Variants in RECQL5 observed in about 807,000 individuals in gnomAD.
The protein encoded by RECQL5 is ATP-dependent DNA helicase Q5.
RECQL5 carries 88 observed loss-of-function variants against 103.4 expected under a neutral mutation model. The ratio of observed to expected loss-of-function variants is 0.85; its 90% CI spans 0.72 to 1.02. The LOEUF (loss-of-function observed/expected upper bound fraction) is 1.02. Among genes scored for constraint, RECQL5 ranks in the 50% least tolerant of loss-of-function variants. RECQL5 has a pLI of 0.00. For synonymous variants in RECQL5, 552 were observed against 507.9 expected, an observed-to-expected ratio of 1.09 and a Z score of -1.17; for missense variants, 1,232 against 1,284.3, an observed-to-expected ratio of 0.96 and a Z score of 0.62.
At chr17:75,650,507 ATT>A in intron 8 of RECQL5, 1 of 1,420,268 alleles carries the variant, frequency 7.0e-7, no homozygotes. Context: ...CTGGACCTCA[ATT>A]TATTCACCTC....
At position 75,653,922 on chromosome 17, in the gene RECQL5, A is replaced by C. The variant is rs138290526; in HGVS notation, c.1150-2657T>G. On this transcript the variant is annotated intron_variant, in intron 7 of 19. Transcript: ENST00000317905. ...CAAAACAAAACAAAACAAAACAAAA[A>C]AAAAACCCCAAAAAAACAAAAACCA... Among the ~76,000 whole-genome samples, 169 of 151,820 alleles carry C rather than the reference A, an allele frequency of 1.1e-3. 1 individual carries two copies. The South Asian group carries it at 0.016, about 14-fold the overall frequency.
intron 8 of RECQL5, chr17:75,649,690 A>C (rs566031327): frequency 1.0e-6 from 1 of 985,494 alleles, no homozygotes; most frequent in East Asian, 1.1e-4. Flanking sequence ...ACATTCACTT[A>C]TTCAAAGAAC....
At chr17:75,655,529 A>G (rs1005245137) in intron 7 of RECQL5, among the ~76,000 whole-genome samples, 104 of 151,806 alleles carry the variant, frequency 6.9e-4, no homozygotes, top group Admixed American at 2.2e-3. Context: ...ACGCCCAGCT[A>G]ATATTTTTGT....
intron 7 of RECQL5, among the ~76,000 whole-genome samples, chr17:75,654,253 C>T (rs189891781): frequency 2.0e-5 from 3 of 152,286 alleles, no homozygotes; most frequent in Non-Finnish European, 4.4e-5. Flanking sequence ...TAATTCACCC[C>T]TAACTGTCCT....
intron 8 of RECQL5, chr17:75,635,846 C>T: frequency 1.0e-6 from 1 of 985,492 alleles, no homozygotes; most frequent in Non-Finnish European, 1.2e-6. Flanking sequence ...GCCAGCCCTT[C>T]CTCGTGAGGC....
rs1334431259 is a variant in RECQL5 at position 75,627,461 on chromosome 17, G to A, written c.2937C>T (p.Ser979=). The A allele has an allele frequency of 5.6e-6, 9 of 1,613,686 alleles. No individual in the cohort carries two copies. The East Asian group carries it at 8.9e-5, about 16-fold the overall frequency. The change falls in exon 20 of 20, where the codon AGC becomes AGT. Residue 979 remains serine (S), a synonymous_variant. Transcript: ENST00000317905. ...CACACAGGCCATGCCAGTCAGCTTC[G>A]CTCTCGCACCGGGCCCGGCCATGGA... ...HFFHGRARCE[S]EADWHGLCGP...
In RECQL5 at chr17:75,661,054, G is replaced by A; in HGVS notation, c.887C>T (p.Ser296Phe). 6.2e-7 allele frequency: 1 copy of A among 1,613,944 alleles called. No individual in the cohort carries two copies. Among genetic ancestry groups the A allele is most frequent in the Non-Finnish European group, 8.5e-7 (1 of 1,179,772 alleles). ...AKAYHAGLKASERTLVQNDWM... is the reference protein window; with the variant it reads ...AKAYHAGLKAFERTLVQNDWM... ...GTCGTTCTGCACCAGCGTTCTTTCAGAGGCCTTCAGCCCTGTAAAGGAGGG... is the reference window on the plus strand; with the variant it reads ...GTCGTTCTGCACCAGCGTTCTTTCAAAGGCCTTCAGCCCTGTAAAGGAGGG... The change falls in exon 6 of 20, where the codon TCT (serine) becomes TTT (phenylalanine). Residue 296 changes from serine to phenylalanine, a missense_variant. Ser to Phe is a radical substitution (Grantham distance 155). Transcript: ENST00000317905.
chr17:75,657,190 A>C (rs1332404109), intron 7 of RECQL5, among the ~76,000 whole-genome samples: 4 of 152,156 alleles, frequency 2.6e-5, no homozygotes, highest in Non-Finnish European at 5.9e-5. Context: ...GTAACATAAC[A>C]AGAGCTCGTC....
intron 7 of RECQL5, among the ~76,000 whole-genome samples, chr17:75,655,854 A>AT (rs1437359169): frequency 1.3e-5 from 2 of 149,628 alleles, no homozygotes; most frequent in Non-Finnish European, 3.0e-5. Context: ...TAATTTTTGT[A>AT]TTTTTTTTGT....
rs200401674 is a variant in RECQL5 at position 75,640,953 on chromosome 17, A to T, written c.1230-9285T>A. ...GAGGAGATGGCCAATGCCATGACAC[A>T]GGCCATCAGCCTGGCCCTGCAGCCC... is the stretch of plus-strand genomic sequence containing the variant. On this transcript the variant is annotated intron_variant, in intron 8 of 19. Coordinates refer to ENST00000317905, the MANE Select transcript of RECQL5 (RefSeq NM_004259.7). This position sits in a 1 kb window ranked among gnomAD's most constrained non-coding sequence, Gnocchi z 4.6. The T allele has an allele frequency of 4.6e-4, 702 of 1,528,758 alleles. 7 individuals carry two copies. Among genetic ancestry groups the T allele is most frequent in the Middle Eastern group, 3.4e-4 (2 of 5,962 alleles). The allele number at this position is 1,528,758 out of a possible 1,614,324, so 94.7% of individuals were successfully genotyped here.
In RECQL5 at chr17:75,660,945, C is replaced by A; in HGVS notation, c.986+10G>T. The A allele has an allele frequency of 6.2e-7, 1 of 1,604,018 alleles. No individual in the cohort carries two copies. The highest frequency in any genetic ancestry group is 8.5e-7 in the Non-Finnish European group (1 of 1,170,792). On this transcript the variant is annotated intron_variant, in intron 6 of 19. Transcript: ENST00000317905. Reference sequence around the variant, plus strand: ...CAGACCAGGAGGGCAGGGCAAGAACCAAAGCTCACCTGACATTGGCTTTAT... The same window carrying A: ...CAGACCAGGAGGGCAGGGCAAGAACAAAAGCTCACCTGACATTGGCTTTAT...
intron 8 of RECQL5, chr17:75,650,586 A>G: frequency 6.3e-7 from 1 of 1,580,204 alleles, no homozygotes; most frequent in South Asian, 1.2e-5. Flanking sequence ...TGAATCCAAG[A>G]GCTTTTTAGA....
chr17:75,657,866 G>A (rs2059646047), intron 7 of RECQL5, among the ~76,000 whole-genome samples: 1 of 151,388 alleles, frequency 6.6e-6, no homozygotes, highest in Non-Finnish European at 1.5e-5. Context: ...TGGCCAACAT[G>A]GTGAAACCCT....
rs760210513 is a variant in RECQL5 at position 75,666,463 on chromosome 17, G to A, written c.95C>T (p.Pro32Leu). Residue 32 changes from proline to leucine, a missense_variant, in exon 2 of 20, where the codon CCT becomes CTT. By Grantham distance (98) the Pro-to-Leu change is moderately conservative (BLOSUM62 -3). Coordinates refer to ENST00000317905, the MANE Select transcript of RECQL5 (RefSeq NM_004259.7). Reference sequence around the variant, plus strand: ...AGCCATGGTCGCACTCTCCTGTAAAGGCGTCTTAAAAGAGTCAAACCCAAA... The same window carrying A: ...AGCCATGGTCGCACTCTCCTGTAAAAGCGTCTTAAAAGAGTCAAACCCAAA... ...KVFGFDSFKT[P>L]LQESATMAVV... 4.3e-6 allele frequency: 7 copies of A among 1,613,988 alleles called. No homozygotes were observed. Among genetic ancestry groups the A allele is most frequent in the Non-Finnish European group, 5.9e-6 (7 of 1,180,034 alleles).
intron 6 of RECQL5, among the ~76,000 whole-genome samples, 153 bp from the exon 7 acceptor site, chr17:75,658,613 T>C (rs1472420717): frequency 6.6e-6 from 1 of 151,990 alleles, no homozygotes; most frequent in Non-Finnish European, 1.5e-5. Flanking sequence ...CTGTAGCCCA[T>C]CAGCACGTCT....
chr17:75,665,098 C>G lies in RECQL5; in HGVS notation c.205G>C (p.Ala69Pro). The part of the protein sequence containing the change: ...SLCYQLPALL[A>P]KGITIVVSPL... The stretch of plus-strand genomic sequence containing the variant: ...GAGACTACAATGGTGATGCCTTTGG[C>G]CAACAGAGCAGGGAGCTGATAGCAT... The change falls in exon 3 of 20, where the codon GCC becomes CCC. Residue 69 changes from alanine (A) to proline (P), a missense_variant. Transcript: ENST00000317905. 6.2e-7 allele frequency: 1 copy of G among 1,612,248 alleles called. No individual in the cohort carries two copies. Among genetic ancestry groups the G allele is most frequent in the Non-Finnish European group, 8.5e-7 (1 of 1,179,338 alleles).
chr17:75,651,077 TC>T lies in RECQL5; in HGVS notation c.1229+108del. 6 of 1,596,296 alleles carry T rather than the reference TC, an allele frequency of 3.8e-6. No homozygotes were observed. In the South Asian group the frequency reaches 5.6e-5, roughly 15 times the overall value. ...ACACAACAGCCTTTGCAGGCAGGTGTCCCTTGGTAGCCTACGGGCTGTCTTA... is the reference window on the plus strand; with the variant it reads ...ACACAACAGCCTTTGCAGGCAGGTGTCCTTGGTAGCCTACGGGCTGTCTTA... On this transcript the variant is annotated intron_variant, in intron 8 of 19. Coordinates refer to ENST00000317905, the MANE Select transcript of RECQL5 (RefSeq NM_004259.7).
Position 75,631,545 on chromosome 17 carries a change from G to A in RECQL5, c.1353C>T (p.Ser451=), listed in dbSNP as rs141175079. The A allele has an allele frequency of 9.9e-6, 16 of 1,613,110 alleles. No individual in the cohort carries two copies. Among genetic ancestry groups the A allele is most frequent in the East Asian group, 2.2e-5 (1 of 44,890 alleles). ...RRRLEALERS[S]SWSKTCIGPS... ...GCCCGATGCAGGTCTTGCTCCAGCTGCTGCTGCGCTCCAAGGCCTCCAGCC... is the reference window on the plus strand; with the variant it reads ...GCCCGATGCAGGTCTTGCTCCAGCTACTGCTGCGCTCCAAGGCCTCCAGCC... Residue 451 remains serine, a synonymous_variant, in exon 9 of 20, where the codon AGC becomes AGT. Coordinates refer to ENST00000317905, the MANE Select transcript of RECQL5 (RefSeq NM_004259.7).
chr17:75,640,812 T>C lies in RECQL5; in HGVS notation c.1230-9144A>G. 1.3e-6 allele frequency: 2 copies of C among 1,550,298 alleles called. No individual in the cohort carries two copies. Among genetic ancestry groups the C allele is most frequent in the Non-Finnish European group, 1.7e-6 (2 of 1,146,882 alleles). On this transcript the variant is annotated intron_variant, in intron 8 of 19. Coordinates refer to ENST00000317905, the MANE Select transcript of RECQL5 (RefSeq NM_004259.7). This position sits in a 1 kb window ranked among gnomAD's most constrained non-coding sequence, Gnocchi z 4.6. ...CCAGCTACTGTTCTGCTGTTGCTGC[T>C]GATAGCCTGCAGCTGCTGCTGCACT... is the stretch of plus-strand genomic sequence containing the variant.
Sources: allele counts gnomAD v4.1 joint callset (sites outside exome capture counted in the v4.1 genomes callset), GRCh38; gene constraint gnomAD v4.1.1; non-coding constraint Gnocchi (gnomAD v3.1); transcripts MANE v1.5; gene names NCBI Gene and HGNC (gene_info 2026-07-23, HGNC 2026-07-21).